HOXC5: variants seen among roughly 807,000 people sequenced by gnomAD.
HOXC5 encodes homeobox protein Hox-C5.
HOXC5 carries 19 observed loss-of-function variants against 20.1 expected under a neutral mutation model. The ratio of observed to expected loss-of-function variants is 0.94; its 90% confidence interval spans 0.66 to 1.38. The LOEUF (loss-of-function observed/expected upper bound fraction) is 1.38, where lower values mean the gene tolerates loss of function less well. HOXC5 is among the 40% of genes most tolerant of loss of function. The pLI is 0.00. For missense variants in HOXC5, 330 were observed against 300.1 expected (o/e 1.10, Z -0.74); for synonymous variants, 124 against 117.0 (o/e 1.06, Z -0.39).
At chr12:54,022,697 G>GA in the HOXC5 span, 1 of 152,134 alleles carries the variant, frequency 6.6e-6, no homozygotes. Flanking sequence ...AGGGGGAAAG[G>GA]AAAAAACATG....
upstream of HOXC5, chr12:54,028,476 A>G: frequency 6.3e-7 from 1 of 1,577,340 alleles, no homozygotes; most frequent in Non-Finnish European, 8.6e-7. Flanking sequence ...TGGAGACAGA[A>G]ATAAATATTA....
chr12:54,027,696 G>A, the HOXC5 span, among the ~76,000 whole-genome samples: 4 of 151,994 alleles, frequency 2.6e-5, no homozygotes, highest in Non-Finnish European at 5.9e-5. Flanking sequence ...TCCCAACAGA[G>A]GGGTCCTGAG....
chr12:54,032,987 G>A (rs1381182633), upstream of HOXC5: 2 of 695,978 alleles, frequency 2.9e-6, no homozygotes, highest in Non-Finnish European at 4.7e-6. Flanking sequence ...TTTGGGAAGA[G>A]CGCATAGGAT....
rs767658858 is a variant in HOXC5 at position 54,033,171 on chromosome 12, C to T, written c.49C>T (p.Pro17Ser). ...ATTCTATAAGCAGAGCCCCAATATC[C>T]CTGCCTATAACATGCAAACTTGTGG... ...NSFYKQSPNI[P>S]AYNMQTCGNY... is the part of the protein sequence containing the mutation. Residue 17 changes from proline to serine, a missense_variant, in exon 1 of 2, where the codon CCT (proline) becomes TCT (serine). Physicochemically the swap from Pro to Ser is moderately conservative, Grantham distance 74. Coordinates refer to ENST00000312492, the MANE Select transcript of HOXC5 (RefSeq NM_018953.4). 1 of 1,614,206 alleles carries T rather than the reference C, an allele frequency of 6.2e-7. No individual in the cohort carries two copies. The highest frequency in any genetic ancestry group is 8.5e-7 in the Non-Finnish European group (1 of 1,180,028).
chr12:54,017,828 C>G, the HOXC5 span, among the ~76,000 whole-genome samples: 2 of 152,234 alleles, frequency 1.3e-5, no homozygotes, highest in African/African-American at 2.4e-5. Flanking sequence ...AACTTAGAGG[C>G]TGTGCCCATT....
At chr12:54,020,977 T>C in the HOXC5 span, 2 of 152,312 alleles carry the variant, frequency 1.3e-5, no homozygotes, top group African/African-American at 2.4e-5. Context: ...CGGGATTCTT[T>C]TCACGGGCAT....
chr12:54,033,853 G>A (rs1000396997), intron 1 of HOXC5: 1 of 519,034 alleles, frequency 1.9e-6, no homozygotes, highest in South Asian at 2.1e-5. Context: ...GGTGAGGAGC[G>A]CGGGGCTCCA....
intron 1 of HOXC5, 141 bp downstream of exon 1, chr12:54,033,717 C>T (rs1941082797): frequency 5.5e-6 from 4 of 729,416 alleles, no homozygotes; most frequent in Admixed American, 3.0e-5. Flanking sequence ...CACTAAAAGG[C>T]TTAGAGGCTG....
At position 54,033,051 on chromosome 12, in the gene HOXC5, C is replaced by T. The variant is rs905377845; in HGVS notation, c.-72C>T. 3.1e-5 allele frequency: 40 copies of T among 1,288,450 alleles called. No individual in the cohort carries two copies. The highest frequency in any genetic ancestry group is 4.0e-5 in the Non-Finnish European group (37 of 917,048). 79.8% of individuals were successfully genotyped at this position (1,288,450 alleles called of 1,614,324 possible). A position where few individuals can be genotyped will look rare whatever the true frequency, so the allele number is the denominator to read the frequency against. The stretch of plus-strand genomic sequence containing the variant: ...TGTCCACTTTGGAGAACAAAAAACC[C>T]CTCAACTTCAAAGAGTCACAAATCA... On this transcript the variant is annotated 5_prime_UTR_variant, in exon 1 of 2. Transcript: ENST00000312492.
At position 54,033,400 on chromosome 12, in the gene HOXC5, C is replaced by T. The variant is rs779584269; in HGVS notation, c.278C>T (p.Pro93Leu). Residue 93 changes from proline (P) to leucine (L), a missense_variant, in exon 1 of 2, where the codon CCT (proline) becomes CTT (leucine). By Grantham distance (98) the Pro-to-Leu change is moderately conservative. Coordinates refer to ENST00000312492, the MANE Select transcript of HOXC5 (RefSeq NM_018953.4). Reference protein sequence around the residue: ...GHAPGRDEAAPLNPGMYSQKA... With the variant: ...GHAPGRDEAALLNPGMYSQKA... ...GCTCCGGGCAGAGACGAAGCGGCTCCTCTGAACCCCGGGATGTACAGTCAG... is the reference window on the plus strand; with the variant it reads ...GCTCCGGGCAGAGACGAAGCGGCTCTTCTGAACCCCGGGATGTACAGTCAG... 6.2e-7 allele frequency: 1 copy of T among 1,611,790 alleles called. No homozygotes were observed. Among genetic ancestry groups the T allele is most frequent in the Non-Finnish European group, 8.5e-7 (1 of 1,179,258 alleles).
the HOXC5 span, chr12:54,021,552 G>A: frequency 6.6e-6 from 1 of 152,234 alleles, no homozygotes; most frequent in Non-Finnish European, 1.5e-5. Flanking sequence ...GGACCAGAGC[G>A]GGGCTGGAGG....
At chr12:54,027,742 C>T in the HOXC5 span, among the ~76,000 whole-genome samples, 14 of 152,176 alleles carry the variant, frequency 9.2e-5, no homozygotes, top group African/African-American at 3.4e-4. Flanking sequence ...CAAAGGAGAG[C>T]AGATGCGTGG....
chr12:54,028,711 A>G (rs1020108081), upstream of HOXC5: 2 of 1,613,990 alleles, frequency 1.2e-6, no homozygotes, highest in African/African-American at 2.7e-5. Context: ...TGTCGTGTTC[A>G]GTTCCAGCCG....
At chr12:54,028,967 CT>C (rs1940857975), upstream of HOXC5, 2 of 1,532,154 alleles carry the variant, frequency 1.3e-6, no homozygotes, top group Non-Finnish European at 1.8e-6. Context: ...ACTGAACTGG[CT>C]TTATGACCGG....
chr12:54,028,997 C>T, upstream of HOXC5: 1 of 1,423,738 alleles, frequency 7.0e-7, no homozygotes, highest in Non-Finnish European at 9.4e-7. Context: ...GAAGAACGGG[C>T]GGAGAGAGTT....
At chr12:54,018,833 C>T in the HOXC5 span, among the ~76,000 whole-genome samples, 1 of 152,166 alleles carries the variant, frequency 6.6e-6, no homozygotes, top group Non-Finnish European at 1.5e-5. Context: ...AGCCAAGACA[C>T]CCCCTCTACC....
At chr12:54,028,840 G>A (rs1418007936), upstream of HOXC5, 2 of 1,614,154 alleles carry the variant, frequency 1.2e-6, no homozygotes, top group Admixed American at 1.7e-5. Context: ...TTTTAGTTCT[G>A]AGCAGGGCAG....
chr12:54,034,197 G>A lies in HOXC5; in HGVS notation c.455-81G>A, dbSNP rs1941110790. 6.8e-6 allele frequency: 9 copies of A among 1,329,858 alleles called. 1 individual carries two copies. Among genetic ancestry groups the A allele is most frequent in the Middle Eastern group, 2.3e-4 (1 of 4,270 alleles). The allele number at this position is 1,329,858 out of a possible 1,614,324, so 82.4% of individuals were successfully genotyped here. On this transcript the variant is annotated intron_variant, in intron 1 of 1. Transcript: ENST00000312492. ...CCTCCTCTCCCTCCGGCCGCGGGTGGGGGCCTGGGCTGGGGTGGGGACGGG... is the reference window on the plus strand; with the variant it reads ...CCTCCTCTCCCTCCGGCCGCGGGTGAGGGCCTGGGCTGGGGTGGGGACGGG...
chr12:54,018,018 T>C, the HOXC5 span, among the ~76,000 whole-genome samples: 3 of 152,166 alleles, frequency 2.0e-5, no homozygotes, highest in Non-Finnish European at 4.4e-5. Flanking sequence ...GCGGGGCCTG[T>C]TAATTGGCAA....
Sources: gnomAD v4.1 joint callset for allele counts (sites outside exome capture counted in the v4.1 genomes callset) on GRCh38, gnomAD v4.1.1 for gene constraint, MANE v1.5 for transcripts, NCBI Gene and HGNC (gene_info 2026-07-23, HGNC 2026-07-21) for gene names.